Variants in BRINP3 observed in about 807,000 individuals in gnomAD.
BRINP3 encodes the protein BMP/retinoic acid-inducible neural-specific protein 3.
A neutral mutation model predicts 71.0 loss-of-function variants in BRINP3; 19 were observed. That is an observed-to-expected ratio of 0.27 (90% CI 0.19 to 0.39). The LOEUF is 0.39. Among genes scored for constraint, BRINP3 ranks in the 10% least tolerant of loss-of-function variants. The probability of loss-of-function intolerance (pLI) is 1.00; values close to 1 mark genes in which losing one functional copy is unlikely to be tolerated. For synonymous variants in BRINP3, 380 were observed against 337.7 expected, an observed-to-expected ratio of 1.13 and a Z score of -1.37; for missense variants, 959 against 940.8, an observed-to-expected ratio of 1.02 and a Z score of -0.25.
chr1:190,203,315 C>A (rs963146432), intron 6 of BRINP3, among the ~76,000 whole-genome samples: 1 of 151,270 alleles, frequency 6.6e-6, no homozygotes, highest in Admixed American at 6.6e-5. Flanking sequence ...AAAACATATG[C>A]CTCTAAAGGA....
chr1:190,123,339 G>C lies in BRINP3; in HGVS notation c.1185-24205C>G, dbSNP rs913362650. On this transcript the variant is annotated intron_variant, in intron 7 of 7. Coordinates refer to ENST00000367462, the MANE Select transcript of BRINP3 (RefSeq NM_199051.3). Reference sequence around the variant, plus strand: ...TGCAGATGCTTATACTGCTTGCTTTGTCATTACTAATAACGACTTCAGTCT... The same window carrying C: ...TGCAGATGCTTATACTGCTTGCTTTCTCATTACTAATAACGACTTCAGTCT... 1.6e-4 allele frequency among the ~76,000 whole-genome samples: 25 copies of C among 151,914 alleles called. 1 individual carries two copies. The highest frequency in any genetic ancestry group is 5.1e-4 in the African/African-American group (21 of 41,408).
intron 2 of BRINP3, among the ~76,000 whole-genome samples, chr1:190,410,634 T>C (rs774452706): frequency 3.3e-5 from 5 of 151,822 alleles, no homozygotes; most frequent in Non-Finnish European, 7.4e-5. Flanking sequence ...GAACAACACA[T>C]AGAATAAGAA....
At chr1:190,410,409 A>G (rs552183018) in intron 2 of BRINP3, among the ~76,000 whole-genome samples, 11 of 152,226 alleles carry the variant, frequency 7.2e-5, no homozygotes, top group Non-Finnish European at 1.3e-4. Context: ...TACTGTAAAT[A>G]TATAAAATAA....
intron 2 of BRINP3, among the ~76,000 whole-genome samples, chr1:190,373,914 G>A (rs572954567): frequency 3.6e-4 from 55 of 150,866 alleles, no homozygotes; most frequent in African/African-American, 1.3e-3. Context: ...ATATTTGTAT[G>A]AGCAGAGACA....
At chr1:190,345,664 T>A (rs1342888401) in intron 2 of BRINP3, among the ~76,000 whole-genome samples, 3 of 139,526 alleles carry the variant, frequency 2.2e-5, no homozygotes, top group African/African-American at 8.1e-5. Flanking sequence ...AAACCTGTCA[T>A]GGAAAGAATT....
intron 2 of BRINP3, among the ~76,000 whole-genome samples, chr1:190,346,746 C>A (rs769709660): frequency 2.6e-5 from 4 of 152,098 alleles, no homozygotes; most frequent in Non-Finnish European, 5.9e-5. Flanking sequence ...TCCCTAACAG[C>A]GATCTCTGAA....
At chr1:190,210,451 A>G (rs1193990569) in intron 6 of BRINP3, among the ~76,000 whole-genome samples, 1 of 152,128 alleles carries the variant, frequency 6.6e-6, no homozygotes, top group Non-Finnish European at 1.5e-5. Context: ...ATGAGTTCAA[A>G]TAAATACAAA....
At chr1:190,187,596 C>T (rs1350293638) in intron 6 of BRINP3, among the ~76,000 whole-genome samples, 1 of 152,008 alleles carries the variant, frequency 6.6e-6, no homozygotes. Flanking sequence ...CTTTTCTGTA[C>T]AGATGTTCAG....
Position 190,434,319 on chromosome 1 carries a change from AG to A in BRINP3, c.236+20335del, listed in dbSNP as rs377716726. Among the ~76,000 whole-genome samples the A allele has an allele frequency of 3.5e-3, 526 of 152,072 alleles. 3 individuals carry two copies. Among genetic ancestry groups the A allele is most frequent in the African/African-American group, 0.012 (487 of 41,506 alleles). On this transcript the variant is annotated intron_variant, in intron 2 of 7. Coordinates refer to ENST00000367462, the MANE Select transcript of BRINP3 (RefSeq NM_199051.3). ...GGCACAAGGTTTCACCATCTTGGCCAGGCTGGTCTCGAATTCCTGACCTCGG... is the reference window on the plus strand; with the variant it reads ...GGCACAAGGTTTCACCATCTTGGCCAGCTGGTCTCGAATTCCTGACCTCGG...
intron 3 of BRINP3, among the ~76,000 whole-genome samples, chr1:190,267,063 T>C (rs986349896): frequency 2.0e-5 from 3 of 152,164 alleles, no homozygotes; most frequent in African/African-American, 7.2e-5. Context: ...TACACTGATA[T>C]TATGAGACTT....
intron 6 of BRINP3, among the ~76,000 whole-genome samples, chr1:190,192,345 A>G (rs1480998228): frequency 6.6e-6 from 1 of 152,172 alleles, no homozygotes; most frequent in Non-Finnish European, 1.5e-5. Flanking sequence ...ACAAACCTAT[A>G]CAGTGTTGAT....
chr1:190,423,063 G>A (rs1673485186), intron 2 of BRINP3, among the ~76,000 whole-genome samples: 1 of 151,600 alleles, frequency 6.6e-6, no homozygotes, highest in Admixed American at 6.6e-5. Context: ...AATAAGGGAG[G>A]GATTTTTGCT....
rs539700887 is a variant in BRINP3, at chr1:190,181,806, A to C, written c.962-20916T>G. 1.8e-3 allele frequency among the ~76,000 whole-genome samples: 279 copies of C among 152,110 alleles called. 1 individual carries two copies. Among genetic ancestry groups the C allele is most frequent in the Non-Finnish European group, 3.1e-3 (213 of 67,930 alleles). The stretch of plus-strand genomic sequence containing the variant: ...TTTAGAAAACACAAGATGAAAATGA[A>C]AGTTGATTTTATTTACCCATTTTTG... On this transcript the variant is annotated intron_variant, in intron 6 of 7. Transcript: ENST00000367462.
At chr1:190,153,990 A>G in intron 7 of BRINP3, 2 of 666,428 alleles carry the variant, frequency 3.0e-6, no homozygotes, top group Non-Finnish European at 3.7e-6. Context: ...CTCTCAAATA[A>G]CAGTACAACA....
At chr1:190,472,905 C>T (rs1411399549) in intron 1 of BRINP3, among the ~76,000 whole-genome samples, 1 of 151,152 alleles carries the variant, frequency 6.6e-6, no homozygotes, top group Non-Finnish European at 1.5e-5. Flanking sequence ...AATAACTTTG[C>T]ATGGAGAAAA....
intron 2 of BRINP3, among the ~76,000 whole-genome samples, chr1:190,316,406 G>T (rs3849278): frequency 0.13 from 19,806 of 151,970 alleles, 1,682 homozygotes; most frequent in South Asian, 0.26. Flanking sequence ...GGCTACAGAT[G>T]CTCTTCTCTC....
intron 1 of BRINP3, among the ~76,000 whole-genome samples, chr1:190,459,971 A>T (rs1676273968): frequency 2.0e-5 from 3 of 151,678 alleles, no homozygotes; most frequent in African/African-American, 7.3e-5. Flanking sequence ...CCTCTCATAA[A>T]TTTTTAAGTA....
rs181127171 is a variant in BRINP3 at position 190,231,052 on chromosome 1, A to G, written c.724+3320T>C. Among the ~76,000 whole-genome samples the G allele has an allele frequency of 8.6e-4, 130 of 151,644 alleles. 1 individual carries two copies. The highest frequency in any genetic ancestry group is 7.4e-4 in the Non-Finnish European group (50 of 67,702). ...AAAAATTTTAAAAATATTTCTGACA[A>G]ATTATAACTATCATATGTAATATGC... On this transcript the variant is annotated intron_variant, in intron 5 of 7. Transcript: ENST00000367462.
intron 2 of BRINP3, among the ~76,000 whole-genome samples, chr1:190,284,656 C>G (rs558009312): frequency 6.6e-6 from 1 of 152,076 alleles, no homozygotes; most frequent in South Asian, 2.1e-4. Context: ...CTATCAGGTA[C>G]TTTTTACTCA....
Sources: allele counts gnomAD v4.1 joint callset (sites outside exome capture counted in the v4.1 genomes callset), GRCh38; gene constraint gnomAD v4.1.1; transcripts MANE v1.5; gene names NCBI Gene and HGNC (gene_info 2026-07-23, HGNC 2026-07-21).